The following POLE2 variants were observed in gnomAD, a reference collection of about 807,000 sequenced individuals.
POLE2 encodes the protein DNA polymerase epsilon subunit 2.
A neutral mutation model predicts 79.4 loss-of-function variants in POLE2; 56 were observed. That is an observed-to-expected ratio of 0.71 (90% confidence interval 0.57 to 0.88). POLE2 has a LOEUF of 0.88. Among genes scored for constraint, POLE2 ranks in the 40% least tolerant of loss-of-function variants. The pLI is 0.00. For synonymous variants in POLE2, 212 were observed against 214.0 expected (o/e 0.99, Z 0.08); for missense variants, 598 against 638.9 (o/e 0.94, Z 0.69).
intron 1 of POLE2, 98 bp downstream of exon 1, chr14:49,688,038 G>T: frequency 9.8e-7 from 1 of 1,022,286 alleles, no homozygotes; most frequent in Non-Finnish European, 1.5e-6. Context: ...GCCCCCTCTC[G>T]GCGCGCGGGG....
intron 10 of POLE2, 29 bp from the exon 11 acceptor site, chr14:49,655,872 A>G: frequency 9.1e-7 from 1 of 1,095,628 alleles, no homozygotes; most frequent in Non-Finnish European, 1.4e-6. Flanking sequence ...ATTATCTTCT[A>G]TATACCACTA....
At chr14:49,671,469 T>C (rs967509518) in intron 5 of POLE2, among the ~76,000 whole-genome samples, 1 of 151,792 alleles carries the variant, frequency 6.6e-6, no homozygotes, top group Admixed American at 6.6e-5. Context: ...TACAAAAAAT[T>C]AGCCAGGCGC....
In POLE2 at chr14:49,688,209, C is replaced by T. The variant is rs937833073; in HGVS notation, c.-6G>A. 6.6e-7 allele frequency: 1 copy of T among 1,523,060 alleles called. No individual in the cohort carries two copies. The highest frequency in any genetic ancestry group is 8.8e-7 in the Non-Finnish European group (1 of 1,137,362). 94.3% of individuals were successfully genotyped at this position (1,523,060 alleles called of 1,614,324 possible). ...CGCAGCCGCTCCGGCGCCATATTTG[C>T]GATTTGGCGCCACCGCCGCAGCTCC... On this transcript the variant is annotated 5_prime_UTR_variant, in exon 1 of 19. Coordinates refer to ENST00000216367, the MANE Select transcript of POLE2 (RefSeq NM_002692.4).
At chr14:49,671,389 C>T (rs190023701) in intron 5 of POLE2, among the ~76,000 whole-genome samples, 27 of 151,688 alleles carry the variant, frequency 1.8e-4, no homozygotes, top group Admixed American at 8.6e-4. Context: ...GAGGCCGAGG[C>T]GGGTGGATCA....
intron 7 of POLE2, among the ~76,000 whole-genome samples, chr14:49,665,516 A>G (rs1885417654): frequency 6.6e-6 from 1 of 152,116 alleles, no homozygotes; most frequent in African/African-American, 2.4e-5. Flanking sequence ...TTGTTCAGAA[A>G]CCCAGTACTC....
chr14:49,673,996 T>C, intron 5 of POLE2, 127 bp downstream of exon 5: 3 of 690,834 alleles, frequency 4.3e-6, no homozygotes, highest in Admixed American at 4.4e-5. Flanking sequence ...TAACAGTTTA[T>C]TGAATGACCA....
At chr14:49,671,066 T>G (rs566375383) in intron 5 of POLE2, among the ~76,000 whole-genome samples, 1 of 152,186 alleles carries the variant, frequency 6.6e-6, no homozygotes, top group South Asian at 2.1e-4. Flanking sequence ...AATGAAAATA[T>G]GGATGGACTG....
chr14:49,668,528 T>C (rs1412363502), intron 6 of POLE2, among the ~76,000 whole-genome samples: 1 of 152,162 alleles, frequency 6.6e-6, no homozygotes, highest in East Asian at 1.9e-4. Context: ...CACATCATTT[T>C]TGCAATTGGT....
Position 49,654,891 on chromosome 14 carries a change from A to G in POLE2, c.1019-53T>C, listed in dbSNP as rs112360901. 1.4e-5 allele frequency: 20 copies of G among 1,450,382 alleles called. No individual in the cohort carries two copies. The African/African-American group carries it at 1.5e-4, about 11-fold the overall frequency. The allele number at this position is 1,450,382 out of a possible 1,614,324, so 89.8% of individuals were successfully genotyped here. ...AATTTGCATATAATGCCATAAAATT[A>G]TATTTGATTAGATACAATCCTGTAT... On this transcript the variant is annotated intron_variant, in intron 12 of 18. Coordinates refer to ENST00000216367, the MANE Select transcript of POLE2 (RefSeq NM_002692.4).
At chr14:49,668,081 G>C (rs1409508074) in intron 6 of POLE2, among the ~76,000 whole-genome samples, 1 of 152,102 alleles carries the variant, frequency 6.6e-6, no homozygotes, top group African/African-American at 2.4e-5. Context: ...AGACCAGCCT[G>C]GCCAACATGG....
chr14:49,677,748 G>GC (rs750651879), intron 3 of POLE2: 14 of 1,346,158 alleles, frequency 1.0e-5, no homozygotes, highest in Non-Finnish European at 1.4e-5. Context: ...ATCCCACAAA[G>GC]CCCCACGCAT....
At chr14:49,681,234 G>A in intron 2 of POLE2, 1 of 200,672 alleles carries the variant, frequency 5.0e-6, no homozygotes, top group Non-Finnish European at 1.1e-5. Flanking sequence ...GTGGTATTAA[G>A]TATTTAACAA....
intron 18 of POLE2, 57 bp from the exon 19 acceptor site, chr14:49,643,727 A>T: frequency 1.1e-6 from 1 of 876,546 alleles, no homozygotes; most frequent in Non-Finnish European, 1.8e-6. Flanking sequence ...ACTTACTAAT[A>T]GTTGTAGTTA....
chr14:49,669,590 G>C lies in POLE2; in HGVS notation c.426C>G (p.His142Gln), dbSNP rs1885727597. 6.4e-7 allele frequency: 1 copy of C among 1,564,908 alleles called. No homozygotes were observed. Among genetic ancestry groups the C allele is most frequent in the East Asian group, 2.2e-5 (1 of 44,656 alleles). ...ERYTILHQRT[H>Q]RHELFTPPVI... ...CCGGAGGAGTAAATAATTCATGCCT[G>C]TGGGTCCTCTATAAAAAAGAAAGAT... The change falls in exon 6 of 19, where the codon CAC becomes CAG. Residue 142 changes from histidine to glutamine, a missense_variant. Coordinates refer to ENST00000216367, the MANE Select transcript of POLE2 (RefSeq NM_002692.4).
intron 10 of POLE2, among the ~76,000 whole-genome samples, chr14:49,660,553 G>A (rs1189047754): frequency 1.3e-5 from 2 of 151,560 alleles, no homozygotes; most frequent in Non-Finnish European, 2.9e-5. Flanking sequence ...GCAGCATACT[G>A]GCTTGAGTCG....
chr14:49,688,204 A>C lies in POLE2; in HGVS notation c.-1T>G. On this transcript the variant is annotated 5_prime_UTR_variant, in exon 1 of 19. Coordinates refer to ENST00000216367, the MANE Select transcript of POLE2 (RefSeq NM_002692.4). ...GGCTCCGCAGCCGCTCCGGCGCCAT[A>C]TTTGCGATTTGGCGCCACCGCCGCA... 1 of 1,524,628 alleles carries C rather than the reference A, an allele frequency of 6.6e-7. No homozygotes were observed. Among genetic ancestry groups the C allele is most frequent in the Non-Finnish European group, 8.8e-7 (1 of 1,138,078 alleles). 94.4% of individuals were successfully genotyped at this position (1,524,628 alleles called of 1,614,324 possible).
chr14:49,679,660 A>G, intron 3 of POLE2, 65 bp downstream of exon 3: 2 of 786,034 alleles, frequency 2.5e-6, no homozygotes, highest in South Asian at 3.1e-5. Context: ...TTTCCAAGAC[A>G]ATAATTAAAA....
At chr14:49,677,249 C>T (rs1002127388) in intron 3 of POLE2, 10 of 691,178 alleles carry the variant, frequency 1.4e-5, no homozygotes, top group Non-Finnish European at 2.6e-5. Context: ...GAGTAGGGTG[C>T]TAAGCATGAG....
At chr14:49,682,685 G>T (rs945163054) in intron 2 of POLE2, among the ~76,000 whole-genome samples, 44 of 132,032 alleles carry the variant, frequency 3.3e-4, no homozygotes, top group Non-Finnish European at 3.5e-4. Context: ...TCTACAGTTT[G>T]CTTTCAGTAA....
Sources: gnomAD v4.1 joint callset for allele counts (sites outside exome capture counted in the v4.1 genomes callset) on GRCh38, gnomAD v4.1.1 for gene constraint, MANE v1.5 for transcripts, NCBI Gene and HGNC (gene_info 2026-07-23, HGNC 2026-07-21) for gene names.